DCTN4: variants seen among roughly 807,000 people sequenced by gnomAD.
DCTN4 encodes the protein dynactin subunit 4.
DCTN4 carries 23 observed loss-of-function variants against 62.7 expected under a neutral mutation model. The observed-to-expected ratio is 0.37, with a 90% CI of 0.26 to 0.52. The LOEUF (loss-of-function observed/expected upper bound fraction) is 0.52. DCTN4 is among the 20% of genes least tolerant of loss of function. The probability of loss-of-function intolerance (pLI) is 0.92; values close to 1 mark genes in which losing one functional copy is unlikely to be tolerated. For missense variants in DCTN4, 514 were observed against 580.4 expected (o/e 0.89, Z 1.18); for synonymous variants, 199 against 202.1 (o/e 0.98, Z 0.13).
chr5:150,757,950 T>C, intron 1 of DCTN4: 1 of 481,562 alleles, frequency 2.1e-6, no homozygotes, highest in Admixed American at 6.4e-5. Context: ...TTTCTTTACC[T>C]GTAAAAAAAA....
intron 5 of DCTN4, among the ~76,000 whole-genome samples, chr5:150,733,112 C>T (rs1482079669): frequency 1.3e-5 from 2 of 152,180 alleles, no homozygotes; most frequent in African/African-American, 4.8e-5. Flanking sequence ...AAATTAACAG[C>T]CTTTCTGGGG....
chr5:150,718,115 C>A (rs1218202359), intron 11 of DCTN4, among the ~76,000 whole-genome samples, 161 bp downstream of exon 11: 2 of 152,098 alleles, frequency 1.3e-5, no homozygotes, highest in East Asian at 1.9e-4. Flanking sequence ...TCAAATAGGG[C>A]AGTGTGTTTC....
At chr5:150,722,801 T>A in intron 9 of DCTN4, 106 bp downstream of exon 9, 2 of 219,868 alleles carry the variant, frequency 9.1e-6, no homozygotes, top group Non-Finnish European at 8.3e-6. Context: ...TTTGATGTAA[T>A]TTTTTTTTTT....
In DCTN4 at chr5:150,733,368, C is replaced by A; in HGVS notation, c.537G>T (p.Ser179=). 2 of 1,608,240 alleles carry A rather than the reference C, an allele frequency of 1.2e-6. No individual in the cohort carries two copies. Reference sequence around the variant, plus strand: ...AATCATTTTAGTACCAAATTCTCACCGAAAAAGCCAGAGGCATATAGTTTC... The same window carrying A: ...AATCATTTTAGTACCAAATTCTCACAGAAAAAGCCAGAGGCATATAGTTTC... The part of the protein sequence containing the change: ...RRRNYMPLAF[S]DKYGLGTRLQ... Residue 179 remains serine (S), a splice_region_variant and synonymous_variant, in exon 5 of 13, where the codon TCG becomes TCT. Coordinates refer to ENST00000447998, the MANE Select transcript of DCTN4 (RefSeq NM_016221.4).
intron 3 of DCTN4, among the ~76,000 whole-genome samples, chr5:150,749,245 A>T (rs77915427): frequency 3.9e-5 from 6 of 152,306 alleles, no homozygotes; most frequent in Admixed American, 3.9e-4. Context: ...TAGAACTCTT[A>T]TAACTCAGTT....
intron 1 of DCTN4, 45 bp downstream of exon 1, chr5:150,758,814 G>A (rs373651336): frequency 6.3e-7 from 1 of 1,599,732 alleles, no homozygotes; most frequent in Non-Finnish European, 8.5e-7. Context: ...CATGAACGCC[G>A]CGCCCCCCCC....
chr5:150,712,448 G>C (rs958219570), intron 12 of DCTN4, among the ~76,000 whole-genome samples: 2 of 151,956 alleles, frequency 1.3e-5, no homozygotes, highest in Admixed American at 1.3e-4. Flanking sequence ...ATTTTTTAGA[G>C]ACAAGGTTTT....
intron 11 of DCTN4, among the ~76,000 whole-genome samples, chr5:150,716,587 TTCTG>T (rs1380906706): frequency 6.6e-6 from 1 of 152,100 alleles, no homozygotes; most frequent in African/African-American, 2.4e-5. Context: ...AGGTACTTAT[TTCTG>T]TCTGTCTTAA....
chr5:150,721,929 G>T (rs1037766493), intron 9 of DCTN4, among the ~76,000 whole-genome samples: 5 of 152,064 alleles, frequency 3.3e-5, no homozygotes, highest in African/African-American at 1.2e-4. Context: ...GGCTCAAGGG[G>T]TCCTCTCACC....
At chr5:150,712,454 G>A (rs1436074831) in intron 12 of DCTN4, among the ~76,000 whole-genome samples, 1 of 152,006 alleles carries the variant, frequency 6.6e-6, no homozygotes, top group East Asian at 1.9e-4. Flanking sequence ...TAGAGACAAG[G>A]TTTTGCTCTG....
At chr5:150,744,396 T>G (rs1031655831) in intron 3 of DCTN4, among the ~76,000 whole-genome samples, 1 of 151,744 alleles carries the variant, frequency 6.6e-6, no homozygotes, top group African/African-American at 2.4e-5. Flanking sequence ...ACTTCCCCAA[T>G]CTAGCAAGGC....
At position 150,731,996 on chromosome 5, in the gene DCTN4, TG is replaced by T. The variant is rs1581581603; in HGVS notation, c.538-508del. On this transcript the variant is annotated intron_variant, in intron 5 of 12. Transcript: ENST00000447998. ...AAACGCATATAGCAGGCAGGTTATA[TG>T]GGAAAATTGGAAGAATAATTCATTT... The T allele has an allele frequency of 1.5e-5, 17 of 1,098,470 alleles. No individual in the cohort carries two copies. In the East Asian group the frequency reaches 4.4e-4, roughly 28 times the overall value. The allele number at this position is 1,098,470 out of a possible 1,614,324, so 68.0% of individuals were successfully genotyped here. A position where few individuals can be genotyped will look rare whatever the true frequency, so the allele number is the denominator to read the frequency against.
Position 150,756,431 on chromosome 5 carries a change from T to C in DCTN4, c.192A>G (p.Lys64=), listed in dbSNP as rs1186699691. 6.2e-7 allele frequency: 1 copy of C among 1,600,134 alleles called. No individual in the cohort carries two copies. The part of the protein sequence containing the change: ...CLENMPSAEA[K]LKKNRCANCF... Reference sequence around the variant, plus strand: ...CCAGGTCTTACCTATTCTTTTTTAGTTTGGCTTCAGCCGATGGCATATTTT... The same window carrying C: ...CCAGGTCTTACCTATTCTTTTTTAGCTTGGCTTCAGCCGATGGCATATTTT... The change falls in exon 2 of 13, where the codon AAA becomes AAG. Residue 64 remains lysine (K), a synonymous_variant. Coordinates refer to ENST00000447998, the MANE Select transcript of DCTN4 (RefSeq NM_016221.4).
intron 4 of DCTN4, among the ~76,000 whole-genome samples, chr5:150,741,251 T>A (rs1288469971): frequency 6.6e-6 from 1 of 152,064 alleles, no homozygotes; most frequent in Non-Finnish European, 1.5e-5. Context: ...TCTGCCCAAG[T>A]TGACTTTTCT....
chr5:150,726,403 A>G (rs1760146852), intron 8 of DCTN4, among the ~76,000 whole-genome samples: 2 of 152,134 alleles, frequency 1.3e-5, no homozygotes, highest in South Asian at 4.1e-4. Context: ...AAGAAGAGAT[A>G]TTGTGTAGTT....
Position 150,718,377 on chromosome 5 carries a change from G to C in DCTN4, c.970C>G (p.Gln324Glu), listed in dbSNP as rs147894723. 1.7e-4 allele frequency: 270 copies of C among 1,612,012 alleles called. No homozygotes were observed. Among genetic ancestry groups the C allele is most frequent in the Non-Finnish European group, 2.3e-4 (266 of 1,178,268 alleles). Residue 324 changes from glutamine (Q) to glutamate (E), a missense_variant, in exon 11 of 13, where the codon CAG becomes GAG. Transcript: ENST00000447998. ...GGATTTGTAAGAGTCAGGAGGACCTGGCTCTCCTGGTGAATAGGAAACACA... is the reference window on the plus strand; with the variant it reads ...GGATTTGTAAGAGTCAGGAGGACCTCGCTCTCCTGGTGAATAGGAAACACA... The part of the protein sequence containing the change: ...IPNLRYMKES[Q>E]VLLTLTNPVE...
intron 3 of DCTN4, among the ~76,000 whole-genome samples, chr5:150,752,414 T>TTA (rs895304517): frequency 1.8e-4 from 27 of 152,270 alleles, no homozygotes; most frequent in African/African-American, 5.3e-4. Flanking sequence ...GATAAACATT[T>TTA]TATATATATA....
At chr5:150,758,699 G>A (rs1281288791) in intron 1 of DCTN4, 160 bp downstream of exon 1, 2 of 1,325,086 alleles carry the variant, frequency 1.5e-6, no homozygotes, top group Non-Finnish European at 2.1e-6. Flanking sequence ...CTTTCCAAGT[G>A]ACAGATTAGA....
In DCTN4 at chr5:150,711,145, C is replaced by A; in HGVS notation, c.*4G>T. 3.7e-6 allele frequency: 6 copies of A among 1,612,002 alleles called. No homozygotes were observed. Among genetic ancestry groups the A allele is most frequent in the Non-Finnish European group, 4.2e-6 (5 of 1,179,816 alleles). On this transcript the variant is annotated 3_prime_UTR_variant, in exon 13 of 13. Transcript: ENST00000447998. ...CTTTGGGATCTGCCCTCCAGTGGAACCTTTTAAGGAAGAAGTGGGCCCAAG... is the reference window on the plus strand; with the variant it reads ...CTTTGGGATCTGCCCTCCAGTGGAAACTTTTAAGGAAGAAGTGGGCCCAAG...
Sources: gnomAD v4.1 joint callset for allele counts (sites outside exome capture counted in the v4.1 genomes callset) on GRCh38, gnomAD v4.1.1 for gene constraint, MANE v1.5 for transcripts, NCBI Gene and HGNC (gene_info 2026-07-23, HGNC 2026-07-21) for gene names.